The following OR8H1 variants were observed in gnomAD, a reference collection of about 807,000 sequenced individuals.
OR8H1 encodes the protein olfactory receptor 8H1.
For synonymous variants in OR8H1, 135 were observed against 134.5 expected (o/e 1.00, Z -0.03); for missense variants, 388 against 374.1 (o/e 1.04, Z -0.31).
chr11:56,291,119 C>A, intron 1 of OR8H1, 35 bp from the exon 2 acceptor site: 1 of 1,235,452 alleles, frequency 8.1e-7, no homozygotes, highest in Non-Finnish European at 1.1e-6. Context: ...ACATGAATGA[C>A]TTCAAAAGGT....
In OR8H1 at chr11:56,290,344, C is replaced by T. The variant is rs747157693; in HGVS notation, c.719G>A (p.Cys240Tyr). The change falls in exon 2 of 2, where the codon TGT becomes TAT. Residue 240 changes from cysteine (C) to tyrosine (Y), a missense_variant. Physicochemically the swap from Cys to Tyr is radical, Grantham distance 194 (BLOSUM62 -2). Transcript: ENST00000641600. ...GGTGACTCCCAAGAGATGAGAGGCACAAGTAGACAAAGCTTTCTGCTTTCC... is the reference window on the plus strand; with the variant it reads ...GGTGACTCCCAAGAGATGAGAGGCATAAGTAGACAAAGCTTTCTGCTTTCC... ...TSGKQKALST[C>Y]ASHLLGVTIF... The T allele has an allele frequency of 5.0e-6, 8 of 1,614,096 alleles. No individual in the cohort carries two copies. Among genetic ancestry groups the T allele is most frequent in the East Asian group, 2.2e-5 (1 of 44,876 alleles).
intron 1 of OR8H1, among the ~76,000 whole-genome samples, chr11:56,291,321 C>A (rs1854149937): frequency 6.6e-6 from 1 of 152,064 alleles, no homozygotes; most frequent in African/African-American, 2.4e-5. Flanking sequence ...GTTCTGAATG[C>A]CTTCCTTTAT....
At position 56,289,564 on chromosome 11, in the gene OR8H1, A is replaced by G. The variant is rs1017178279; in HGVS notation, c.*563T>C. ...TTTTCCACATCAGTTGCTTCTAAAA[A>G]CATATATTTAGACTGTAAATATGAC... On this transcript the variant is annotated 3_prime_UTR_variant, in exon 2 of 2. Transcript: ENST00000641600. 6.5e-6 allele frequency: 1 copy of G among 152,764 alleles called. No homozygotes were observed. The highest frequency in any genetic ancestry group is 1.5e-5 in the Non-Finnish European group (1 of 68,488). 9.5% of individuals were successfully genotyped at this position (152,764 alleles called of 1,614,324 possible).
chr11:56,291,049 T>C lies in OR8H1; in HGVS notation c.14A>G (p.Asn5Ser), dbSNP rs202061317. 1.0e-5 allele frequency: 16 copies of C among 1,593,194 alleles called. No individual in the cohort carries two copies. The East Asian group carries it at 3.4e-4, about 33-fold the overall frequency. The change falls in exon 2 of 2, where the codon AAT becomes AGT. Residue 5 changes from asparagine to serine, a missense_variant. Physicochemically the swap from Asn to Ser is conservative, Grantham distance 46 (BLOSUM62 1). Transcript: ENST00000641600. Reference protein sequence around the residue: MGRRNNTNVPDFILT... With the variant: MGRRSNTNVPDFILT... ...GATGAAGTCAGGCACATTTGTGTTATTTCTTCTACCCATGATGTTCAATTG... is the reference window on the plus strand; with the variant it reads ...GATGAAGTCAGGCACATTTGTGTTACTTCTTCTACCCATGATGTTCAATTG...
rs1475283124 is a variant in OR8H1, at chr11:56,288,861, A to G, written c.*1266T>C. ...TTCTTAAACTGAAAACAAGTTTATT[A>G]GAAAAATAAAGAAACAAAAGAATGG... On this transcript the variant is annotated 3_prime_UTR_variant, in exon 2 of 2. Coordinates refer to ENST00000641600, the MANE Select transcript of OR8H1 (RefSeq NM_001005199.2). 6.6e-6 allele frequency: 1 copy of G among 152,158 alleles called. No homozygotes were observed. The highest frequency in any genetic ancestry group is 2.4e-5 in the African/African-American group (1 of 41,468). The allele number at this position is 152,158 out of a possible 1,614,324, so 9.4% of individuals were successfully genotyped here.
In OR8H1 at chr11:56,288,794, C is replaced by T. The variant is rs1436852876; in HGVS notation, c.*1333G>A. The stretch of plus-strand genomic sequence containing the variant: ...GTTATACACATGCACATATTCAAAA[C>T]TATTGATCTCGAAGAACATGCACAA... On this transcript the variant is annotated 3_prime_UTR_variant, in exon 2 of 2. Coordinates refer to ENST00000641600, the MANE Select transcript of OR8H1 (RefSeq NM_001005199.2). 6.6e-6 allele frequency: 1 copy of T among 152,004 alleles called. No individual in the cohort carries two copies. The highest frequency in any genetic ancestry group is 1.5e-5 in the Non-Finnish European group (1 of 67,946). The allele number at this position is 152,004 out of a possible 1,614,324, so 9.4% of individuals were successfully genotyped here.
chr11:56,290,649 C>T lies in OR8H1; in HGVS notation c.414G>A (p.Arg138=), dbSNP rs747461971. 7 of 1,613,952 alleles carry T rather than the reference C, an allele frequency of 4.3e-6. No homozygotes were observed. The highest frequency in any genetic ancestry group is 1.1e-5 in the South Asian group (1 of 91,040). Residue 138 remains arginine, a synonymous_variant, in exon 2 of 2, where the codon AGG becomes AGA. Coordinates refer to ENST00000641600, the MANE Select transcript of OR8H1 (RefSeq NM_001005199.2). ...GCCCAGTGACAAGAGCGCAACACAG[C>T]CTTTTGGACATAATAACTGGGTAAC... ...PLRYPVIMSK[R]LCCALVTGPY...
At position 56,288,578 on chromosome 11, in the gene OR8H1, T is replaced by C. The variant is rs1027339267; in HGVS notation, c.*1549A>G. ...CACACAAAAGAGATATCACTGCATG[T>C]AGATTTTTAATGTGGTGAGTTAATA... On this transcript the variant is annotated 3_prime_UTR_variant, in exon 2 of 2. Coordinates refer to ENST00000641600, the MANE Select transcript of OR8H1 (RefSeq NM_001005199.2). 1 of 152,104 alleles carries C rather than the reference T, an allele frequency of 6.6e-6. No individual in the cohort carries two copies. The highest frequency in any genetic ancestry group is 2.4e-5 in the African/African-American group (1 of 41,456). The allele number at this position is 152,104 out of a possible 1,614,324, so 9.4% of individuals were successfully genotyped here.
Position 56,290,883 on chromosome 11 carries a change from A to G in OR8H1, c.180T>C (p.Tyr60=), listed in dbSNP as rs1158517426. The G allele has an allele frequency of 6.2e-7, 1 of 1,614,168 alleles. No individual in the cohort carries two copies. The highest frequency in any genetic ancestry group is 8.5e-7 in the Non-Finnish European group (1 of 1,180,014). Residue 60 remains tyrosine (Y), a synonymous_variant, in exon 2 of 2, where the codon TAT becomes TAC. Transcript: ENST00000641600. The part of the protein sequence containing the change: ...RLDLQLHTPM[Y]FFLTHLSFID... The stretch of plus-strand genomic sequence containing the variant: ...TAAATGACAAGTGAGTAAGGAAAAA[A>G]TACATGGGAGTGTGAAGCTGGAGGT...
At position 56,290,601 on chromosome 11, in the gene OR8H1, G is replaced by T; in HGVS notation, c.462C>A (p.Asn154Lys). 1 of 1,614,164 alleles carries T rather than the reference G, an allele frequency of 6.2e-7. No homozygotes were observed. Among genetic ancestry groups the T allele is most frequent in the Non-Finnish European group, 8.5e-7 (1 of 1,180,024 alleles). Residue 154 changes from asparagine (N) to lysine (K), a missense_variant, in exon 2 of 2, where the codon AAC becomes AAA. Asn to Lys is a moderately conservative substitution (Grantham distance 94). Transcript: ENST00000641600. ...TCATCCAAACCACATTGACAAAGGAGTTGATAAAGCTAATCACATAGGGCC... is the reference window on the plus strand; with the variant it reads ...TCATCCAAACCACATTGACAAAGGATTTGATAAAGCTAATCACATAGGGCC... ...VTGPYVISFI[N>K]SFVNVVWMSR...
Position 56,291,053 on chromosome 11 carries a change from T to C in OR8H1, c.10A>G (p.Arg4Gly), listed in dbSNP as rs1387226633. The change falls in exon 2 of 2, where the codon AGA becomes GGA. Residue 4 changes from arginine to glycine, a missense_variant. Transcript: ENST00000641600. ...AAGTCAGGCACATTTGTGTTATTTC[T>C]TCTACCCATGATGTTCAATTGCTTT... MGR[R>G]NNTNVPDFIL... The C allele has an allele frequency of 2.5e-6, 4 of 1,589,530 alleles. No homozygotes were observed. Among genetic ancestry groups the C allele is most frequent in the Middle Eastern group, 1.7e-4 (1 of 5,874 alleles).
At position 56,290,671 on chromosome 11, in the gene OR8H1, T is replaced by C; in HGVS notation, c.392A>G (p.Tyr131Cys). 6.2e-7 allele frequency: 1 copy of C among 1,613,972 alleles called. No homozygotes were observed. The change falls in exon 2 of 2, where the codon TAC (tyrosine) becomes TGC (cysteine). Residue 131 changes from tyrosine to cysteine, a missense_variant. Coordinates refer to ENST00000641600, the MANE Select transcript of OR8H1 (RefSeq NM_001005199.2). ...CAGCCTTTTGGACATAATAACTGGG[T>C]AACGTAGAGGACTGCAGATAGCTAC... ...RYVAICSPLR[Y>C]PVIMSKRLCC...
rs1041509722 is a variant in OR8H1 at position 56,289,970 on chromosome 11, C to T, written c.*157G>A. The T allele has an allele frequency of 2.7e-6, 2 of 735,430 alleles. No homozygotes were observed. The highest frequency in any genetic ancestry group is 4.8e-6 in the Non-Finnish European group (2 of 417,498). 45.6% of individuals were successfully genotyped at this position (735,430 alleles called of 1,614,324 possible). On this transcript the variant is annotated 3_prime_UTR_variant, in exon 2 of 2. Coordinates refer to ENST00000641600, the MANE Select transcript of OR8H1 (RefSeq NM_001005199.2). ...AATCTGGATTTCTGAAAACATACAC[C>T]TTGAAATGTTCAAGATCACGTTTAG...
Position 56,289,292 on chromosome 11 carries a change from G to T in OR8H1, c.*835C>A, listed in dbSNP as rs949803127. 1 of 152,066 alleles carries T rather than the reference G, an allele frequency of 6.6e-6. No homozygotes were observed. Among genetic ancestry groups the T allele is most frequent in the Non-Finnish European group, 1.5e-5 (1 of 68,010 alleles). The allele number at this position is 152,066 out of a possible 1,614,324, so 9.4% of individuals were successfully genotyped here. ...AAGGAAAGAGAGTTTTAAATTTTAG[G>T]TAACATATTCTGGGTTGTATAGCTG... On this transcript the variant is annotated 3_prime_UTR_variant, in exon 2 of 2. Transcript: ENST00000641600.
Position 56,290,719 on chromosome 11 carries a change from G to C in OR8H1, c.344C>G (p.Ser115Ter), listed in dbSNP as rs1854137539. ...FLGAAECFLLSSMAYDRYVAI... is the reference protein window; with the variant it reads ...FLGAAECFLL ...TACGTAGCGATCATAGGCCATTGAT[G>C]AGAGAAGAAAACATTCAGCAGCTCC... Residue 115 changes from serine to a stop codon, truncating the protein, a stop_gained, in exon 2 of 2, where the codon TCA (serine) becomes TGA (stop). Transcript: ENST00000641600. LOFTEE classifies it low-confidence loss of function (END_TRUNC). 3 of 1,614,016 alleles carry C rather than the reference G, an allele frequency of 1.9e-6. No individual in the cohort carries two copies. The highest frequency in any genetic ancestry group is 2.5e-6 in the Non-Finnish European group (3 of 1,180,028).
rs922432027 is a variant in OR8H1, at chr11:56,288,996, T to A, written c.*1131A>T. On this transcript the variant is annotated 3_prime_UTR_variant, in exon 2 of 2. Coordinates refer to ENST00000641600, the MANE Select transcript of OR8H1 (RefSeq NM_001005199.2). ...TCTAACAATATATGCTATTTTATTA[T>A]AACTTAATTTTATCAAAATATTTTA... is the stretch of plus-strand genomic sequence containing the variant. 2 of 152,246 alleles carry A rather than the reference T, an allele frequency of 1.3e-5. No individual in the cohort carries two copies. The highest frequency in any genetic ancestry group is 6.5e-5 in the Admixed American group (1 of 15,300). 9.4% of individuals were successfully genotyped at this position (152,246 alleles called of 1,614,324 possible). A position where few individuals can be genotyped will look rare whatever the true frequency, so the allele number is the denominator to read the frequency against.
Position 56,290,071 on chromosome 11 carries a change from C to A in OR8H1, c.*56G>T. 1 of 1,385,380 alleles carries A rather than the reference C, an allele frequency of 7.2e-7. No homozygotes were observed. The highest frequency in any genetic ancestry group is 2.3e-5 in the East Asian group (1 of 43,756). 85.8% of individuals were successfully genotyped at this position (1,385,380 alleles called of 1,614,324 possible). On this transcript the variant is annotated 3_prime_UTR_variant, in exon 2 of 2. Transcript: ENST00000641600. ...TTTTATAGGGAGACCAAGGACATAC[C>A]AAATAGAAAAGAAAGAAAAGATGAG...
rs1170444280 is a variant in OR8H1, at chr11:56,289,354, C to CTTTA, written c.*769_*772dup. ...TATTTAGAATCTAACTCTTGGAAAACTTTATTTCAAAACAGTACTCCTAAA... is the reference window on the plus strand; with the variant it reads ...TATTTAGAATCTAACTCTTGGAAAACTTTATTTATTTCAAAACAGTACTCCTAAA... On this transcript the variant is annotated 3_prime_UTR_variant, in exon 2 of 2. Coordinates refer to ENST00000641600, the MANE Select transcript of OR8H1 (RefSeq NM_001005199.2). 6.6e-6 allele frequency: 1 copy of CTTTA among 152,100 alleles called. No individual in the cohort carries two copies. Among genetic ancestry groups the CTTTA allele is most frequent in the African/African-American group, 2.4e-5 (1 of 41,424 alleles). The allele number at this position is 152,100 out of a possible 1,614,324, so 9.4% of individuals were successfully genotyped here. A position where few individuals can be genotyped will look rare whatever the true frequency, so the allele number is the denominator to read the frequency against.
Position 56,290,004 on chromosome 11 carries a change from A to T in OR8H1, c.*123T>A. The T allele has an allele frequency of 8.3e-6, 7 of 847,712 alleles. No individual in the cohort carries two copies. The highest frequency in any genetic ancestry group is 1.4e-5 in the Non-Finnish European group (7 of 493,028). 52.5% of individuals were successfully genotyped at this position (847,712 alleles called of 1,614,324 possible). On this transcript the variant is annotated 3_prime_UTR_variant, in exon 2 of 2. Coordinates refer to ENST00000641600, the MANE Select transcript of OR8H1 (RefSeq NM_001005199.2). ...TTCAAGATCACGTTTAGTCAAGCAAAGGTTAGCACAACAGAAATGCAAACA... is the reference window on the plus strand; with the variant it reads ...TTCAAGATCACGTTTAGTCAAGCAATGGTTAGCACAACAGAAATGCAAACA...
Sources: allele counts gnomAD v4.1 joint callset (sites outside exome capture counted in the v4.1 genomes callset), GRCh38; gene constraint gnomAD v4.1.1; transcripts MANE v1.5; gene names NCBI Gene and HGNC (gene_info 2026-07-23, HGNC 2026-07-21).